The following CPLANE1 variants were observed in gnomAD, a reference collection of about 807,000 sequenced individuals.
CPLANE1 encodes ciliogenesis and planar polarity effector complex subunit 1.
CPLANE1 carries 263 observed loss-of-function variants against 362.5 expected under a neutral mutation model. The observed-to-expected ratio is 0.73, with a 90% CI of 0.66 to 0.80. CPLANE1 has a LOEUF of 0.80. Ranked by LOEUF, CPLANE1 falls within the 30% of genes least tolerant of loss-of-function variation. CPLANE1 has a pLI of 0.00. For synonymous variants in CPLANE1, 1,212 were observed against 1,302.6 expected (o/e 0.93, Z 1.50); for missense variants, 3,461 against 3,793.4 (o/e 0.91, Z 2.30).
chr5:37,195,821 A>G (rs1787240813), intron 21 of CPLANE1, 37 bp downstream of exon 21: 2 of 1,581,242 alleles, frequency 1.3e-6, no homozygotes, highest in Non-Finnish European at 1.7e-6. Flanking sequence ...ATATACCATC[A>G]TTCATACTCT....
chr5:37,178,208 C>G (rs1181086557), intron 29 of CPLANE1, among the ~76,000 whole-genome samples: 1 of 151,454 alleles, frequency 6.6e-6, no homozygotes, highest in African/African-American at 2.4e-5. Flanking sequence ...GGCAGAATTG[C>G]TTGAACCTGG....
chr5:37,097,183 G>A, the CPLANE1 span, among the ~76,000 whole-genome samples: 6 of 151,754 alleles, frequency 4.0e-5, no homozygotes, highest in East Asian at 3.9e-4. Flanking sequence ...ACCCCATCTC[G>A]TTTTTTTAAA....
At chr5:37,100,939 G>C in the CPLANE1 span, among the ~76,000 whole-genome samples, 2 of 152,144 alleles carry the variant, frequency 1.3e-5, no homozygotes, top group Admixed American at 1.3e-4. Flanking sequence ...AGGAATGTCA[G>C]CGATTTTTGC....
chr5:37,162,413 C>A, intron 38 of CPLANE1, 52 bp downstream of exon 38: 2 of 1,141,692 alleles, frequency 1.8e-6, no homozygotes, highest in Non-Finnish European at 1.3e-6. Context: ...GTCTAGATAA[C>A]TTAATTGTAT....
At chr5:37,167,271 T>A in intron 34 of CPLANE1, 58 bp from the exon 35 acceptor site, 1 of 1,360,154 alleles carries the variant, frequency 7.4e-7, no homozygotes, top group Non-Finnish European at 1.0e-6. Flanking sequence ...TATGTAATAT[T>A]TCAACAAAAG....
chr5:37,126,799 C>A (rs1764249199), intron 46 of CPLANE1, among the ~76,000 whole-genome samples: 1 of 152,058 alleles, frequency 6.6e-6, no homozygotes. Flanking sequence ...CCAGCTTGGG[C>A]AAAATAGCAA....
chr5:37,082,507 C>G, the CPLANE1 span, among the ~76,000 whole-genome samples: 1 of 152,050 alleles, frequency 6.6e-6, no homozygotes, highest in African/African-American at 2.4e-5. Flanking sequence ...TGGAACAAAA[C>G]AGAGAGCCCA....
rs1416115425 is a variant in CPLANE1 at position 37,227,658 on chromosome 5, A to T, written c.1281T>A (p.Asp427Glu). ...TCATGTGTACTGATGGAGATAGGCTATCAAGAAATCGAAGGGTTGTGACCA... is the reference window on the plus strand; with the variant it reads ...TCATGTGTACTGATGGAGATAGGCTTTCAAGAAATCGAAGGGTTGTGACCA... ...GYMVTTLRFL[D>E]SLSPSVHMRS... The change falls in exon 10 of 53, where the codon GAT (aspartate) becomes GAA (glutamate). Residue 427 changes from aspartate to glutamate, a missense_variant. Asp to Glu is a conservative substitution (Grantham distance 45). Around this residue, in one of 2 missense-constraint regions of CPLANE1, gnomAD observed 3,380 missense variants for 3,666.1 expected, o/e 0.92. Coordinates refer to ENST00000651892, the MANE Select transcript of CPLANE1 (RefSeq NM_001384732.1). 6.4e-7 allele frequency: 1 copy of T among 1,551,520 alleles called. No individual in the cohort carries two copies. Among genetic ancestry groups the T allele is most frequent in the East Asian group, 2.4e-5 (1 of 40,872 alleles).
chr5:37,208,684 C>G lies in CPLANE1; in HGVS notation c.2921-2259G>C, dbSNP rs570866706. ...AGAGCAAGACTCTGTCTCCCCCCCC[C>G]CCCAAAAAAAAAAAAGAGTTCAGCT... On this transcript the variant is annotated intron_variant, in intron 16 of 52. Coordinates refer to ENST00000651892, the MANE Select transcript of CPLANE1 (RefSeq NM_001384732.1). Among the ~76,000 whole-genome samples the G allele has an allele frequency of 1.7e-4, 20 of 119,122 alleles. No individual in the cohort carries two copies. The East Asian group carries it at 1.8e-3, about 11-fold the overall frequency. The allele number at this position is 119,122 out of a possible 152,430, so 78.1% of individuals were successfully genotyped here.
chr5:37,215,739 CTTTTTTTTTT>C (rs567527656), intron 15 of CPLANE1, among the ~76,000 whole-genome samples: 2 of 95,224 alleles, frequency 2.1e-5, no homozygotes, highest in African/African-American at 7.9e-5. Flanking sequence ...CTTCTCTTTC[CTTTTTTTTTT>C]TTTTTTTTTT....
chr5:37,121,057 T>C (rs534633593), intron 49 of CPLANE1, among the ~76,000 whole-genome samples: 61 of 152,372 alleles, frequency 4.0e-4, no homozygotes, highest in African/African-American at 1.4e-3. Context: ...GTTGACCATA[T>C]ATAAGAAATT....
chr5:37,235,717 G>A (rs761068752), intron 8 of CPLANE1, among the ~76,000 whole-genome samples: 2 of 149,394 alleles, frequency 1.3e-5, no homozygotes, highest in Non-Finnish European at 3.0e-5. Flanking sequence ...GGATTACAGG[G>A]GCACACCATC....
intron 42 of CPLANE1, 64 bp from the exon 43 acceptor site, chr5:37,148,332 GT>G: frequency 8.2e-7 from 1 of 1,218,468 alleles, no homozygotes; most frequent in Non-Finnish European, 1.2e-6. Flanking sequence ...ATAACAAACA[GT>G]TTTATGTAAG....
chr5:37,140,344 C>T (rs1284781648), intron 44 of CPLANE1: 1 of 980,242 alleles, frequency 1.0e-6, no homozygotes, highest in African/African-American at 1.8e-5. Flanking sequence ...TTCTTGAAAA[C>T]ATATTGTTCT....
chr5:37,171,745 ACTCTCT>A (rs56407367), intron 32 of CPLANE1, among the ~76,000 whole-genome samples: 23,927 of 128,402 alleles, frequency 0.19, 2,654 homozygotes, highest in African/African-American at 0.37. Flanking sequence ...TCTCTAGCTT[ACTCTCT>A]CTCTCTCTCT....
chr5:37,078,715 ATT>A, the CPLANE1 span, among the ~76,000 whole-genome samples: 46 of 142,866 alleles, frequency 3.2e-4, no homozygotes, highest in African/African-American at 7.4e-4. Flanking sequence ...AGCATCTGTT[ATT>A]TTTTTTTTTT....
intron 46 of CPLANE1, among the ~76,000 whole-genome samples, chr5:37,134,581 A>G (rs1044065653): frequency 6.6e-6 from 1 of 152,000 alleles, no homozygotes; most frequent in African/African-American, 2.4e-5. Flanking sequence ...TATCCTTTCT[A>G]ATAACCAACT....
At position 37,221,407 on chromosome 5, in the gene CPLANE1, T is replaced by C. The variant is rs1487026046; in HGVS notation, c.2663A>G (p.Asp888Gly). 8 of 1,539,778 alleles carry C rather than the reference T, an allele frequency of 5.2e-6. No individual in the cohort carries two copies. The highest frequency in any genetic ancestry group is 6.1e-6 in the Non-Finnish European group (7 of 1,141,328). The change falls in exon 15 of 53, where the codon GAT becomes GGT. Residue 888 changes from aspartate (D) to glycine (G), a missense_variant. Coordinates refer to ENST00000651892, the MANE Select transcript of CPLANE1 (RefSeq NM_001384732.1). ...YCHLYSYNLN[D>G]AQGLCDQLAR... ...TAGCTGATCACACAATCCTTGAGCA[T>C]CATTTAAATTATAGCTATAGAGGTG...
rs746748652 is a variant in CPLANE1 at position 37,162,525 on chromosome 5, T to C, written c.7630A>G (p.Met2544Val). The change falls in exon 38 of 53, where the codon ATG becomes GTG. Residue 2544 changes from methionine (M) to valine (V), a missense_variant. By Grantham distance (21) the Met-to-Val change is conservative. Around this residue, in one of 2 missense-constraint regions of CPLANE1, gnomAD observed 3,380 missense variants for 3,666.1 expected, o/e 0.92. Coordinates refer to ENST00000651892, the MANE Select transcript of CPLANE1 (RefSeq NM_001384732.1). ...ATAGCTTTCTTTTTTACAGAGGCCA[T>C]GAAATGCAATCCAGCTGAAGTATTA... The part of the protein sequence containing the change: ...DDNTSAGLHF[M>V]ASVKKKAIGS... 3.1e-6 allele frequency: 5 copies of C among 1,612,836 alleles called. No homozygotes were observed. Among genetic ancestry groups the C allele is most frequent in the South Asian group, 1.1e-5 (1 of 91,042 alleles).
Sources: allele counts gnomAD v4.1 joint callset (sites outside exome capture counted in the v4.1 genomes callset), GRCh38; gene constraint gnomAD v4.1.1; regional missense constraint gnomAD v4.1.1; transcripts MANE v1.5; gene names NCBI Gene and HGNC (gene_info 2026-07-23, HGNC 2026-07-21).